Variants in GALNT13 observed in about 807,000 individuals in gnomAD.
The protein encoded by GALNT13 is polypeptide N-acetylgalactosaminyltransferase 13.
In GALNT13, 28 loss-of-function variants were observed where a neutral mutation model predicts 64.2. That is an observed-to-expected ratio of 0.44 (90% CI 0.32 to 0.60). The LOEUF (loss-of-function observed/expected upper bound fraction) is 0.60, where lower values mean the gene tolerates loss of function less well. GALNT13 is among the 20% of genes least tolerant of loss of function. GALNT13 has a pLI of 0.05. For missense variants in GALNT13, 577 were observed against 669.8 expected (o/e 0.86, Z 1.53); for synonymous variants, 214 against 224.6 (o/e 0.95, Z 0.42).
the GALNT13 span, among the ~76,000 whole-genome samples, chr2:153,440,619 C>T: frequency 1.3e-5 from 2 of 152,134 alleles, no homozygotes; most frequent in Non-Finnish European, 2.9e-5. Flanking sequence ...TCTGTTTTTT[C>T]CTAACTTTTT....
rs191107332 is a variant in GALNT13, at chr2:153,925,283, G to C, written c.-104-19111G>C. On this transcript the variant is annotated intron_variant, in intron 2 of 12. Coordinates refer to ENST00000392825, the MANE Select transcript of GALNT13 (RefSeq NM_052917.4). ...ATTTTCTGCATATGGCTAGCCAGTT[G>C]TCCCAGCACTATTTATTAAATAGGG... is the stretch of plus-strand genomic sequence containing the variant. 3.2e-3 allele frequency among the ~76,000 whole-genome samples: 483 copies of C among 152,026 alleles called. 1 individual carries two copies. The highest frequency in any genetic ancestry group is 0.011 in the African/African-American group (467 of 41,492).
At chr2:154,219,925 G>A (rs1353560835) in intron 4 of GALNT13, among the ~76,000 whole-genome samples, 8 of 152,032 alleles carry the variant, frequency 5.3e-5, no homozygotes, top group Non-Finnish European at 8.8e-5. Context: ...TCAGCAGGGA[G>A]CAACCTAATT....
the GALNT13 span, among the ~76,000 whole-genome samples, chr2:153,466,894 T>TA: frequency 5.3e-5 from 8 of 151,986 alleles, no homozygotes; most frequent in Non-Finnish European, 1.2e-4. Flanking sequence ...GCAATGGGAA[T>TA]GGAGACTACC....
the GALNT13 span, among the ~76,000 whole-genome samples, chr2:153,267,746 C>T: frequency 6.6e-6 from 1 of 152,210 alleles, no homozygotes; most frequent in Non-Finnish European, 1.5e-5. Context: ...TAACATTCAA[C>T]TCCTTATTAC....
At chr2:153,533,115 G>T in the GALNT13 span, among the ~76,000 whole-genome samples, 2 of 152,054 alleles carry the variant, frequency 1.3e-5, no homozygotes, top group Non-Finnish European at 2.9e-5. Context: ...TACTCCAAAG[G>T]TAAAATTTTT....
chr2:153,646,618 C>A, the GALNT13 span, among the ~76,000 whole-genome samples: 1 of 152,104 alleles, frequency 6.6e-6, no homozygotes, highest in African/African-American at 2.4e-5. Flanking sequence ...CCCCCTCCCC[C>A]TACTCCACAA....
the GALNT13 span, among the ~76,000 whole-genome samples, chr2:153,253,774 T>C: frequency 6.8e-6 from 1 of 147,600 alleles, no homozygotes; most frequent in South Asian, 2.2e-4. Context: ...ATTACATTTA[T>C]TGATTTGCGT....
chr2:153,514,999 A>G, the GALNT13 span, among the ~76,000 whole-genome samples: 1 of 151,872 alleles, frequency 6.6e-6, no homozygotes, highest in African/African-American at 2.4e-5. Context: ...CCCACCCAAG[A>G]CCCCTAAGGG....
At chr2:153,850,063 C>T in the GALNT13 span, among the ~76,000 whole-genome samples, 61,311 of 148,008 alleles carry the variant, frequency 0.41, 13,747 homozygotes, top group Admixed American at 0.57. Flanking sequence ...CCTGTAGTCC[C>T]AGCTACTCCG....
At chr2:153,333,545 G>A in the GALNT13 span, among the ~76,000 whole-genome samples, 1 of 152,016 alleles carries the variant, frequency 6.6e-6, no homozygotes, top group Non-Finnish European at 1.5e-5. Flanking sequence ...AAGTGGTTGA[G>A]GCAGGCTAAA....
chr2:154,297,041 T>G (rs1220142200), intron 8 of GALNT13, among the ~76,000 whole-genome samples: 1 of 152,170 alleles, frequency 6.6e-6, no homozygotes, highest in Non-Finnish European at 1.5e-5. Context: ...TATGTTATTC[T>G]AGAATGTGGC....
chr2:154,142,549 C>CAAAAAAA (rs71396392), intron 4 of GALNT13, among the ~76,000 whole-genome samples: 4 of 66,466 alleles, frequency 6.0e-5, no homozygotes, highest in Non-Finnish European at 5.7e-5. Flanking sequence ...AACTCTGTCT[C>CAAAAAAA]AAAAAAAAAA....
the GALNT13 span, among the ~76,000 whole-genome samples, chr2:153,610,608 G>A: frequency 6.6e-6 from 1 of 152,246 alleles, no homozygotes; most frequent in African/African-American, 2.4e-5. Context: ...CCAGGAGCTG[G>A]AGGTTGCAGT....
At chr2:153,234,353 T>C in the GALNT13 span, among the ~76,000 whole-genome samples, 7 of 152,126 alleles carry the variant, frequency 4.6e-5, no homozygotes, top group Non-Finnish European at 8.8e-5. Flanking sequence ...AAAACTAGGC[T>C]GCAGAGTTGA....
chr2:154,364,780 CT>C (rs1374336693), intron 9 of GALNT13, among the ~76,000 whole-genome samples: 2 of 152,328 alleles, frequency 1.3e-5, no homozygotes, highest in African/African-American at 4.8e-5. Context: ...AAGCGATTCC[CT>C]TGCCTCAGCC....
the GALNT13 span, among the ~76,000 whole-genome samples, chr2:153,534,943 C>A: frequency 6.7e-6 from 1 of 150,246 alleles, no homozygotes; most frequent in Non-Finnish European, 1.5e-5. Flanking sequence ...GGCTCAGAGG[C>A]CTGACATTCC....
intron 8 of GALNT13, among the ~76,000 whole-genome samples, chr2:154,269,766 CT>C (rs906974839): frequency 2.0e-5 from 3 of 150,926 alleles, no homozygotes; most frequent in Admixed American, 6.6e-5. Context: ...CACCACTTTG[CT>C]TTGAACCATT....
intron 1 of GALNT13, among the ~76,000 whole-genome samples, chr2:153,894,945 G>C (rs1379066376): frequency 6.6e-6 from 1 of 152,064 alleles, no homozygotes; most frequent in Non-Finnish European, 1.5e-5. Context: ...TCAGTGACCT[G>C]GTAGAGCAAA....
chr2:153,676,867 A>C, the GALNT13 span, among the ~76,000 whole-genome samples: 1 of 152,124 alleles, frequency 6.6e-6, no homozygotes, highest in Non-Finnish European at 1.5e-5. Context: ...TAACCATTGA[A>C]GGAACATAAC....
Sources: gnomAD v4.1 joint callset for allele counts (sites outside exome capture counted in the v4.1 genomes callset) on GRCh38, gnomAD v4.1.1 for gene constraint, MANE v1.5 for transcripts, NCBI Gene and HGNC (gene_info 2026-07-23, HGNC 2026-07-21) for gene names.